DSCAML1: variants seen among roughly 807,000 people sequenced by gnomAD.
DSCAML1 encodes cell adhesion molecule DSCAML1.
Under a neutral mutation model 200.5 loss-of-function variants are expected in DSCAML1, and 38 were observed. That is an observed-to-expected ratio of 0.19 (90% CI 0.15 to 0.25). The LOEUF (loss-of-function observed/expected upper bound fraction) is 0.25. Ranked by LOEUF, DSCAML1 falls within the 10% of genes least tolerant of loss-of-function variation. DSCAML1 has a pLI of 1.00. For synonymous variants in DSCAML1, 1,215 were observed against 1,165.0 expected, an observed-to-expected ratio of 1.04 and a Z score of -0.87; for missense variants, 2,223 against 2,858.8, an observed-to-expected ratio of 0.78 and a Z score of 5.07.
chr11:117,749,301 C>G (rs1479279295), intron 3 of DSCAML1, among the ~76,000 whole-genome samples: 2 of 152,210 alleles, frequency 1.3e-5, no homozygotes, highest in Non-Finnish European at 2.9e-5. Context: ...CACAAACAAT[C>G]TGCTGCCTGC....
chr11:117,480,961 A>G lies in DSCAML1; in HGVS notation c.2656+213T>C, dbSNP rs1470235500. The stretch of plus-strand genomic sequence containing the variant: ...AGTGGAATCTATAGCGGCTGTAGCC[A>G]TTGCAAACTTTTGCTGTTTAAGTTC... On this transcript the variant is annotated intron_variant, in intron 13 of 32. Transcript: ENST00000651296. The surrounding 1 kb of genome is among the most constrained non-coding windows in gnomAD (Gnocchi z 4.1). Among the ~76,000 whole-genome samples, 1 of 152,048 alleles carries G rather than the reference A, an allele frequency of 6.6e-6. No homozygotes were observed. Among genetic ancestry groups the G allele is most frequent in the Non-Finnish European group, 1.5e-5 (1 of 68,006 alleles).
intron 3 of DSCAML1, among the ~76,000 whole-genome samples, chr11:117,541,196 CA>C (rs2050262801): frequency 6.6e-6 from 1 of 152,242 alleles, no homozygotes; most frequent in Admixed American, 6.5e-5. Context: ...CTTCTGGCCT[CA>C]TTCAGGTCTC....
intron 3 of DSCAML1, among the ~76,000 whole-genome samples, chr11:117,736,207 G>A (rs891654728): frequency 6.6e-6 from 1 of 152,190 alleles, no homozygotes; most frequent in Non-Finnish European, 1.5e-5. Context: ...TATAAGCCAG[G>A]CTGCAGTCAC....
In DSCAML1 at chr11:117,700,932, G is replaced by C. The variant is rs1395091858; in HGVS notation, c.511+75859C>G. 2.0e-5 allele frequency among the ~76,000 whole-genome samples: 3 copies of C among 152,222 alleles called. 1 individual carries two copies. The highest frequency in any genetic ancestry group is 7.2e-5 in the African/African-American group (3 of 41,464). ...AAGCATTTCAGGTCCTTCCTCCTAA[G>C]ACAGCACAGACTTTGCTTTACTTTC... On this transcript the variant is annotated intron_variant, in intron 3 of 32. Transcript: ENST00000651296.
intron 3 of DSCAML1, among the ~76,000 whole-genome samples, chr11:117,640,584 A>G (rs567979090): frequency 2.8e-4 from 42 of 152,300 alleles, no homozygotes; most frequent in African/African-American, 9.4e-4. Flanking sequence ...CACAGCCCCA[A>G]GTAAACTGTC....
chr11:117,720,742 G>A (rs1235189375), intron 3 of DSCAML1, among the ~76,000 whole-genome samples: 2 of 152,226 alleles, frequency 1.3e-5, no homozygotes, highest in Admixed American at 1.3e-4. Context: ...CACAGCAATA[G>A]TGGTGCTTGG....
rs532268806 is a variant in DSCAML1 at position 117,556,876 on chromosome 11, C to G, written c.512-24354G>C. Among the ~76,000 whole-genome samples, 7 of 152,376 alleles carry G rather than the reference C, an allele frequency of 4.6e-5. No homozygotes were observed. The South Asian group carries it at 1.4e-3, about 32-fold the overall frequency. Reference sequence around the variant, plus strand: ...TTCACCGCCGACATGCCCACATCTTCTTAGCTGCAGTATGAATCCCTTTTT... The same window carrying G: ...TTCACCGCCGACATGCCCACATCTTGTTAGCTGCAGTATGAATCCCTTTTT... On this transcript the variant is annotated intron_variant, in intron 3 of 32. Coordinates refer to ENST00000651296, the MANE Select transcript of DSCAML1 (RefSeq NM_020693.4).
At chr11:117,620,029 A>C (rs762637609) in intron 3 of DSCAML1, among the ~76,000 whole-genome samples, 2 of 152,234 alleles carry the variant, frequency 1.3e-5, no homozygotes, top group Non-Finnish European at 2.9e-5. Context: ...AAAAATTAGC[A>C]AATTTCGTGA....
intron 3 of DSCAML1, among the ~76,000 whole-genome samples, chr11:117,535,067 A>C (rs2050141395): frequency 6.6e-6 from 1 of 151,962 alleles, no homozygotes; most frequent in South Asian, 2.1e-4. Context: ...TGTGCCAGAC[A>C]CTGTGCCCCA....
intron 3 of DSCAML1, among the ~76,000 whole-genome samples, chr11:117,657,869 T>C (rs1011671452): frequency 6.6e-6 from 1 of 152,168 alleles, no homozygotes; most frequent in Non-Finnish European, 1.5e-5. Flanking sequence ...AGCCTCTCCA[T>C]GGCCCGAGGG....
chr11:117,652,938 T>G (rs1005573112), intron 3 of DSCAML1, among the ~76,000 whole-genome samples: 1 of 152,214 alleles, frequency 6.6e-6, no homozygotes, highest in Admixed American at 6.5e-5. Context: ...TTCTCTCCAA[T>G]GTTAGCTTTG....
chr11:117,428,515 G>A lies in DSCAML1; in HGVS notation c.5975C>T (p.Pro1992Leu), dbSNP rs1565666489. 2 of 1,501,870 alleles carry A rather than the reference G, an allele frequency of 1.3e-6. No homozygotes were observed. The highest frequency in any genetic ancestry group is 1.8e-6 in the Non-Finnish European group (2 of 1,115,610). The allele number at this position is 1,501,870 out of a possible 1,614,324, so 93.0% of individuals were successfully genotyped here. Residue 1992 changes from proline (P) to leucine (L), a missense_variant, in exon 33 of 33, where the codon CCT (proline) becomes CTT (leucine). Transcript: ENST00000651296. ...GCTGGGGGCGGTGGGTGGCTCAGCAGGGGTGGGGCCGGGGGCTGGGGGGGC... is the reference window on the plus strand; with the variant it reads ...GCTGGGGGCGGTGGGTGGCTCAGCAAGGGTGGGGCCGGGGGCTGGGGGGGC... ...GTAPPAPGPT[P>L]AEPPTAPSAA...
intron 3 of DSCAML1, among the ~76,000 whole-genome samples, chr11:117,745,616 G>A (rs148935586): frequency 2.6e-5 from 4 of 152,318 alleles, no homozygotes; most frequent in Non-Finnish European, 5.9e-5. Context: ...CACTCCATGT[G>A]AGACAGGTGT....
At chr11:117,550,704 C>A (rs574512810) in intron 3 of DSCAML1, among the ~76,000 whole-genome samples, 1 of 152,352 alleles carries the variant, frequency 6.6e-6, no homozygotes, top group East Asian at 1.9e-4. Context: ...CCAGCCTCCC[C>A]AGCACACTTG....
intron 32 of DSCAML1, among the ~76,000 whole-genome samples, chr11:117,430,182 G>T (rs1180655879): frequency 1.3e-5 from 2 of 152,226 alleles, no homozygotes; most frequent in African/African-American, 4.8e-5. Flanking sequence ...GGCCCGTGGG[G>T]TCAGATGGTT....
Position 117,516,335 on chromosome 11 carries a change from G to T in DSCAML1, c.1783+132C>A, listed in dbSNP as rs1470949314. 4.2e-6 allele frequency: 5 copies of T among 1,182,298 alleles called. No homozygotes were observed. The East Asian group carries it at 1.3e-4, about 30-fold the overall frequency. 73.2% of individuals were successfully genotyped at this position (1,182,298 alleles called of 1,614,324 possible). ...CTGCTCCCTTTTTTCTGAATGCCAA[G>T]CTGGGGCCTCTCTTGCTCAGCCTTC... is the stretch of plus-strand genomic sequence containing the variant. On this transcript the variant is annotated intron_variant, in intron 8 of 32. Transcript: ENST00000651296. This position sits in a 1 kb window ranked among gnomAD's most constrained non-coding sequence, Gnocchi z 5.7.
intron 21 of DSCAML1, 149 bp from the exon 22 acceptor site, chr11:117,440,085 G>C (rs2048012110): frequency 1.5e-6 from 1 of 646,116 alleles, no homozygotes; most frequent in African/African-American, 1.8e-5. Context: ...GTAGGTGTCA[G>C]GGAATATTGG....
intron 3 of DSCAML1, among the ~76,000 whole-genome samples, chr11:117,722,891 A>G (rs2054064441): frequency 6.6e-6 from 1 of 152,176 alleles, no homozygotes; most frequent in Non-Finnish European, 1.5e-5. Flanking sequence ...ATTCAGTTTC[A>G]TCTCATGTCC....
At chr11:117,434,466 C>G (rs1364428592) in intron 27 of DSCAML1, among the ~76,000 whole-genome samples, 1 of 152,174 alleles carries the variant, frequency 6.6e-6, no homozygotes, top group East Asian at 1.9e-4. Flanking sequence ...GTTTTTCCAT[C>G]CAGCCATCCA....
Sources: allele counts gnomAD v4.1 joint callset (sites outside exome capture counted in the v4.1 genomes callset), GRCh38; gene constraint gnomAD v4.1.1; non-coding constraint Gnocchi (gnomAD v3.1); transcripts MANE v1.5; gene names NCBI Gene and HGNC (gene_info 2026-07-23, HGNC 2026-07-21).